The following FBXO11 variants were observed in gnomAD, a reference collection of about 807,000 sequenced individuals.
FBXO11 encodes the protein F-box protein 11.
Under a neutral mutation model 117.0 loss-of-function variants are expected in FBXO11, and 13 were observed. The ratio of observed to expected loss-of-function variants is 0.11; its 90% CI spans 0.07 to 0.18. The LOEUF (loss-of-function observed/expected upper bound fraction) is 0.18, where lower values mean the gene tolerates loss of function less well. Among genes scored for constraint, FBXO11 ranks in the 10% least tolerant of loss-of-function variants. The pLI is 1.00. For synonymous variants in FBXO11, 490 were observed against 380.5 expected, an observed-to-expected ratio of 1.29 and a Z score of -3.35; for missense variants, 767 against 1,164.4, an observed-to-expected ratio of 0.66 and a Z score of 4.97.
intron 11 of FBXO11, among the ~76,000 whole-genome samples, chr2:47,830,225 T>C (rs955006516): frequency 1.3e-5 from 2 of 152,068 alleles, no homozygotes; most frequent in Non-Finnish European, 2.9e-5. Context: ...AAACCCAATG[T>C]GATCTCAGAG....
chr2:47,868,596 G>C (rs757432498), intron 1 of FBXO11, among the ~76,000 whole-genome samples: 11 of 152,184 alleles, frequency 7.2e-5, no homozygotes, highest in Non-Finnish European at 1.0e-4. Context: ...CCATATTTTT[G>C]TTTTAAAATT....
intron 1 of FBXO11, among the ~76,000 whole-genome samples, chr2:47,855,214 T>C (rs540900420): frequency 1.3e-5 from 2 of 151,510 alleles, no homozygotes; most frequent in Non-Finnish European, 2.9e-5. Context: ...TTTTTTTTTG[T>C]TTTTGAGACA....
chr2:47,876,179 G>A (rs754002712), intron 1 of FBXO11, among the ~76,000 whole-genome samples: 17 of 152,180 alleles, frequency 1.1e-4, no homozygotes, highest in Non-Finnish European at 1.9e-4. Context: ...CCTGAAGTTG[G>A]TCAGTGTCTC....
At chr2:47,840,562 T>C (rs993793016) in intron 1 of FBXO11, among the ~76,000 whole-genome samples, 1 of 149,756 alleles carries the variant, frequency 6.7e-6, no homozygotes, top group Non-Finnish European at 1.5e-5. Flanking sequence ...GCAATCCTCC[T>C]GCCTCAGTAT....
Position 47,864,266 on chromosome 2 carries a change from G to C in FBXO11, c.233-24497C>G, listed in dbSNP as rs183080411. 1.3e-3 allele frequency among the ~76,000 whole-genome samples: 197 copies of C among 152,240 alleles called. 2 individuals are homozygous for C. The highest frequency in any genetic ancestry group is 4.5e-3 in the African/African-American group (186 of 41,552). ...GAGAAAACATATAATGAAAGAGACA[G>C]AAACTACCTTTGAACAACTCATAAT... is the stretch of plus-strand genomic sequence containing the variant. On this transcript the variant is annotated intron_variant, in intron 1 of 22. Transcript: ENST00000403359.
chr2:47,900,073 G>C (rs2104051340), intron 1 of FBXO11, among the ~76,000 whole-genome samples: 1 of 152,170 alleles, frequency 6.6e-6, no homozygotes, highest in East Asian at 1.9e-4. Context: ...GGGTTTGTCA[G>C]AATTTCCAGT....
At chr2:47,857,254 A>T (rs1275768485) in intron 1 of FBXO11, among the ~76,000 whole-genome samples, 1 of 152,184 alleles carries the variant, frequency 6.6e-6, no homozygotes, top group East Asian at 1.9e-4. Flanking sequence ...GAGAGAAAAG[A>T]TATACACAGC....
At chr2:47,846,786 A>G (rs1205979340) in intron 1 of FBXO11, among the ~76,000 whole-genome samples, 1 of 152,118 alleles carries the variant, frequency 6.6e-6, no homozygotes, top group Non-Finnish European at 1.5e-5. Flanking sequence ...GATAATTTAC[A>G]TTTTTTTCAT....
chr2:47,896,872 G>C (rs917318986), intron 1 of FBXO11, among the ~76,000 whole-genome samples: 3 of 152,060 alleles, frequency 2.0e-5, no homozygotes, highest in African/African-American at 7.2e-5. Context: ...AAAAATACTA[G>C]CTTTCAAAAT....
chr2:47,849,508 T>A (rs1167921719), intron 1 of FBXO11, among the ~76,000 whole-genome samples: 5 of 152,236 alleles, frequency 3.3e-5, no homozygotes, highest in African/African-American at 9.6e-5. Context: ...AATCTTGCCA[T>A]GGACTGTGCT....
At position 47,900,896 on chromosome 2, in the gene FBXO11, A is replaced by ACACACACG. The variant is rs1423430152; in HGVS notation, c.232+4592_232+4593insCGTGTGTG. On this transcript the variant is annotated intron_variant, in intron 1 of 22. Transcript: ENST00000403359. ...CACGTGTATATATATACACGTATAT[A>ACACACACG]TACACACATATATATGTATATATAT... Among the ~76,000 whole-genome samples, 40 of 144,452 alleles carry ACACACACG rather than the reference A, an allele frequency of 2.8e-4. 3 individuals are homozygous for ACACACACG. Among genetic ancestry groups the ACACACACG allele is most frequent in the South Asian group, 1.3e-3 (6 of 4,680 alleles). 94.8% of individuals were successfully genotyped at this position (144,452 alleles called of 152,430 possible).
At chr2:47,900,602 G>GTA (rs1553362050) in intron 1 of FBXO11, among the ~76,000 whole-genome samples, 54 of 90,594 alleles carry the variant, frequency 6.0e-4, no homozygotes, top group Non-Finnish European at 8.6e-4. Flanking sequence ...ATATACACAC[G>GTA]TATACACACG....
chr2:47,893,996 G>C (rs1287594366), intron 1 of FBXO11, among the ~76,000 whole-genome samples: 2 of 152,326 alleles, frequency 1.3e-5, no homozygotes, highest in East Asian at 3.9e-4. Flanking sequence ...AGTGCTGAAA[G>C]AGCAAATGTG....
At chr2:47,821,553 T>C (rs1671384821) in intron 13 of FBXO11, among the ~76,000 whole-genome samples, 1 of 149,170 alleles carries the variant, frequency 6.7e-6, no homozygotes, top group African/African-American at 2.5e-5. Flanking sequence ...GAGCTTGCAG[T>C]GAGCCGAGAT....
At chr2:47,839,033 T>A in intron 3 of FBXO11, 30 bp from the exon 4 acceptor site, 2 of 1,579,232 alleles carry the variant, frequency 1.3e-6, no homozygotes, top group Non-Finnish European at 1.7e-6. Flanking sequence ...TAAACTATCA[T>A]TCGAGCAATA....
intron 1 of FBXO11, among the ~76,000 whole-genome samples, chr2:47,902,966 T>G (rs937294315): frequency 6.6e-6 from 1 of 152,002 alleles, no homozygotes; most frequent in Non-Finnish European, 1.5e-5. Flanking sequence ...GCTTTAGTTC[T>G]TTAATTATCC....
chr2:47,848,807 T>C (rs1206918317), intron 1 of FBXO11, among the ~76,000 whole-genome samples: 1 of 152,234 alleles, frequency 6.6e-6, no homozygotes, highest in African/African-American at 2.4e-5. Context: ...CCTAACTGTC[T>C]TGACTCTATT....
At chr2:47,889,146 TCCC>T (rs1677080171) in intron 1 of FBXO11, among the ~76,000 whole-genome samples, 1 of 152,136 alleles carries the variant, frequency 6.6e-6, no homozygotes, top group Non-Finnish European at 1.5e-5. Context: ...TTCTAAAATC[TCCC>T]CCAACTGACA....
At chr2:47,860,410 A>AT (rs777150310) in intron 1 of FBXO11, among the ~76,000 whole-genome samples, 4,225 of 138,950 alleles carry the variant, frequency 0.03, 110 homozygotes, top group African/African-American at 0.069. Context: ...TTTACCCTGG[A>AT]TTTTTTTTTT....
Sources: allele counts gnomAD v4.1 joint callset (sites outside exome capture counted in the v4.1 genomes callset), GRCh38; gene constraint gnomAD v4.1.1; transcripts MANE v1.5; gene names NCBI Gene and HGNC (gene_info 2026-07-23, HGNC 2026-07-21).